The following KALRN variants were observed in gnomAD, a reference collection of about 807,000 sequenced individuals.
KALRN encodes the protein kalirin RhoGEF kinase, also known as kalirin.
KALRN carries 70 observed loss-of-function variants against 353.7 expected under a neutral mutation model. The observed-to-expected ratio is 0.20, with a 90% CI of 0.16 to 0.24. The LOEUF (loss-of-function observed/expected upper bound fraction) is 0.24, where lower values mean the gene tolerates loss of function less well. Among genes scored for constraint, KALRN ranks in the 10% least tolerant of loss-of-function variants. The pLI, the probability that KALRN is intolerant of heterozygous loss-of-function variation, is 1.00. For missense variants in KALRN, 2,791 were observed against 3,756.7 expected, an observed-to-expected ratio of 0.74 and a Z score of 6.72; for synonymous variants, 1,391 against 1,434.8, an observed-to-expected ratio of 0.97 and a Z score of 0.69.
chr3:124,254,719 C>T (rs894491345), intron 3 of KALRN, among the ~76,000 whole-genome samples: 2 of 152,120 alleles, frequency 1.3e-5, no homozygotes, highest in African/African-American at 4.8e-5. Context: ...AAAGTTGCCC[C>T]AAATTTCAGT....
chr3:124,674,845 GT>G, intron 49 of KALRN: 1 of 420,930 alleles, frequency 2.4e-6, no homozygotes, highest in Non-Finnish European at 4.1e-6. Context: ...TTTCCTTTTG[GT>G]TTATAATTTT....
chr3:124,141,488 C>T (rs190295715), intron 1 of KALRN, among the ~76,000 whole-genome samples: 6 of 152,288 alleles, frequency 3.9e-5, no homozygotes, highest in Admixed American at 1.3e-4. Flanking sequence ...CCTCACCTGT[C>T]CTCCCCCTGA....
chr3:124,495,746 A>G (rs2108521446), intron 32 of KALRN, among the ~76,000 whole-genome samples: 1 of 148,062 alleles, frequency 6.8e-6, no homozygotes, highest in Non-Finnish European at 1.5e-5. Flanking sequence ...AAAAAAAAAA[A>G]AAAAAGAAGA....
Position 124,707,431 on chromosome 3 carries a change from T to TTCCTTCCTTCCTTCCC in KALRN, c.8075+5343_8075+5358dup, listed in dbSNP as rs1350602276. The stretch of plus-strand genomic sequence containing the variant: ...CTTCCTTCCTTCCTTCCTTCCTTCC[T>TTCCTTCCTTCCTTCCC]TCCTTCCTTCCTTCCCTCCTTCCTT... On this transcript the variant is annotated intron_variant, in intron 57 of 59. Coordinates refer to ENST00000682506, the MANE Select transcript of KALRN (RefSeq NM_001388419.1). Among the ~76,000 whole-genome samples the TTCCTTCCTTCCTTCCC allele has an allele frequency of 4.4e-4, 59 of 133,456 alleles. No homozygotes were observed. In the East Asian group the frequency reaches 4.9e-3, roughly 11 times the overall value. 87.6% of individuals were successfully genotyped at this position (133,456 alleles called of 152,430 possible).
intron 45 of KALRN, among the ~76,000 whole-genome samples, chr3:124,664,414 C>CT (rs747877590): frequency 0.033 from 4,517 of 137,608 alleles, 119 homozygotes; most frequent in East Asian, 0.066. Context: ...CAGAATCAAG[C>CT]TTTTTTTTTT....
chr3:124,327,549 G>A (rs1444770), intron 7 of KALRN, among the ~76,000 whole-genome samples: 132,263 of 152,214 alleles, frequency 0.87, 57,881 homozygotes, highest in East Asian at 0.98. Flanking sequence ...ATATCAGTAG[G>A]ATTTGTAAAT....
intron 57 of KALRN, among the ~76,000 whole-genome samples, chr3:124,710,532 G>A (rs2150767843): frequency 6.6e-6 from 1 of 152,202 alleles, no homozygotes; most frequent in South Asian, 2.1e-4. Flanking sequence ...ACACCTATAA[G>A]CCCAGCACTT....
intron 50 of KALRN, 68 bp downstream of exon 50, chr3:124,678,381 G>A: frequency 1.3e-6 from 2 of 1,546,996 alleles, no homozygotes; most frequent in South Asian, 1.2e-5. Context: ...ATTCTCACAA[G>A]CCAATTTGGG....
In KALRN at chr3:124,678,353, C is replaced by T. The variant is rs778948474; in HGVS notation, c.7317+40C>T. On this transcript the variant is annotated intron_variant, in intron 50 of 59. Transcript: ENST00000682506. ...CCGGAGCTGCGTCCCCACCTGTCAT[C>T]CACTCCCACCCTGCAGCATTCTCAC... 34 of 1,605,804 alleles carry T rather than the reference C, an allele frequency of 2.1e-5. No homozygotes were observed. In the Admixed American group the frequency reaches 5.5e-4, roughly 26 times the overall value.
At chr3:124,171,017 A>G (rs767104237) in intron 1 of KALRN, among the ~76,000 whole-genome samples, 24 of 151,642 alleles carry the variant, frequency 1.6e-4, no homozygotes, top group Non-Finnish European at 1.0e-4. Context: ...GGGTTTCATT[A>G]TGTTAGCCAG....
intron 1 of KALRN, among the ~76,000 whole-genome samples, chr3:124,091,771 G>C (rs1490515788): frequency 6.6e-6 from 1 of 152,148 alleles, no homozygotes; most frequent in East Asian, 1.9e-4. Context: ...CTTTGACCAT[G>C]ATGAAAGAAG....
intron 13 of KALRN, among the ~76,000 whole-genome samples, chr3:124,408,042 G>A (rs2091767156): frequency 6.6e-6 from 1 of 152,176 alleles, no homozygotes; most frequent in Admixed American, 6.5e-5. Context: ...CAAAGTGCTG[G>A]GATTACAGGC....
At chr3:124,333,503 A>G (rs1006257254) in intron 8 of KALRN, among the ~76,000 whole-genome samples, 6 of 152,210 alleles carry the variant, frequency 3.9e-5, no homozygotes, top group Non-Finnish European at 5.9e-5. Context: ...AATTTGGGAA[A>G]GAAAGAGGAG....
chr3:124,725,525 G>A lies in KALRN; in HGVS notation c.*6055G>A, dbSNP rs2063408563. 1 of 152,158 alleles carries A rather than the reference G, an allele frequency of 6.6e-6. No homozygotes were observed. Among genetic ancestry groups the A allele is most frequent in the Non-Finnish European group, 1.5e-5 (1 of 68,026 alleles). 9.4% of individuals were successfully genotyped at this position (152,158 alleles called of 1,614,324 possible). A position where few individuals can be genotyped will look rare whatever the true frequency, so the allele number is the denominator to read the frequency against. ...TGTATGTATATGTTATTGCTCATATGCAGAAATCTATCCATTTGCAGACAG... is the reference window on the plus strand; with the variant it reads ...TGTATGTATATGTTATTGCTCATATACAGAAATCTATCCATTTGCAGACAG... On this transcript the variant is annotated 3_prime_UTR_variant, in exon 60 of 60. Transcript: ENST00000682506.
At chr3:124,695,328 G>A (rs2062002773) in intron 53 of KALRN, among the ~76,000 whole-genome samples, 1 of 152,212 alleles carries the variant, frequency 6.6e-6, no homozygotes, top group Non-Finnish European at 1.5e-5. Context: ...AGAAACATTA[G>A]TGGAAGAAGC....
chr3:124,338,813 C>T (rs546905945), intron 9 of KALRN, among the ~76,000 whole-genome samples: 3 of 152,052 alleles, frequency 2.0e-5, no homozygotes, highest in Non-Finnish European at 4.4e-5. Flanking sequence ...AATCTGGGTG[C>T]TCCTGTATTG....
intron 1 of KALRN, among the ~76,000 whole-genome samples, chr3:124,126,640 T>C (rs192168874): frequency 2.0e-5 from 3 of 152,342 alleles, no homozygotes; most frequent in Admixed American, 2.0e-4. Context: ...AGTCACAAGT[T>C]TGGAAGAATT....
chr3:124,327,881 T>C (rs1336413616), intron 7 of KALRN, among the ~76,000 whole-genome samples: 4 of 152,210 alleles, frequency 2.6e-5, no homozygotes, highest in African/African-American at 9.6e-5. Flanking sequence ...TGGATTCTGA[T>C]CCCAGCTCCA....
chr3:124,225,099 T>C (rs528884612), intron 1 of KALRN, among the ~76,000 whole-genome samples: 3 of 152,328 alleles, frequency 2.0e-5, no homozygotes, highest in Admixed American at 2.0e-4. Flanking sequence ...TTCTCCTTTA[T>C]TATATATTCC....
Sources: gnomAD v4.1 joint callset for allele counts (sites outside exome capture counted in the v4.1 genomes callset) on GRCh38, gnomAD v4.1.1 for gene constraint, MANE v1.5 for transcripts, NCBI Gene and HGNC (gene_info 2026-07-23, HGNC 2026-07-21) for gene names.